The following FNTA variants were observed in gnomAD, a reference collection of about 807,000 sequenced individuals.
The protein encoded by FNTA is farnesyltransferase, CAAX box, subunit alpha.
A neutral mutation model predicts 55.2 loss-of-function variants in FNTA; 27 were observed. The ratio of observed to expected loss-of-function variants is 0.49; its 90% CI spans 0.36 to 0.67. The LOEUF (loss-of-function observed/expected upper bound fraction) is 0.67. FNTA is among the 30% of genes least tolerant of loss of function. The probability of loss-of-function intolerance (pLI) is 0.00; values close to 1 mark genes in which losing one functional copy is unlikely to be tolerated. For missense variants in FNTA, 422 were observed against 464.7 expected (o/e 0.91, Z 0.85); for synonymous variants, 176 against 170.7 (o/e 1.03, Z -0.24).
intron 5 of FNTA, among the ~76,000 whole-genome samples, chr8:43,073,943 A>T (rs1423329394): frequency 1.3e-5 from 2 of 152,250 alleles, no homozygotes; most frequent in Non-Finnish European, 2.9e-5. Flanking sequence ...TGAGGATTTA[A>T]TGAATTCAGC....
intron 4 of FNTA, among the ~76,000 whole-genome samples, chr8:43,070,805 T>C (rs972382731): frequency 1.3e-5 from 2 of 152,248 alleles, no homozygotes; most frequent in African/African-American, 4.8e-5. Context: ...TGAAAACTTA[T>C]GCTATAACAT....
At chr8:43,068,508 A>T (rs143049775) in intron 3 of FNTA, among the ~76,000 whole-genome samples, 1 of 152,330 alleles carries the variant, frequency 6.6e-6, no homozygotes, top group African/African-American at 2.4e-5. Context: ...GTATTTTGTT[A>T]ATGTTTATAA....
At chr8:43,069,713 CG>C (rs2130555429) in intron 4 of FNTA, 54 bp downstream of exon 4, 1 of 1,039,382 alleles carries the variant, frequency 9.6e-7, no homozygotes, top group African/African-American at 1.6e-5. Context: ...GGCATGACCT[CG>C]GCTCACTGCA....
Position 43,059,114 on chromosome 8 carries a change from A to G in FNTA, c.223A>G (p.Ile75Val). The G allele has an allele frequency of 6.2e-7, 1 of 1,613,782 alleles. No homozygotes were observed. Among genetic ancestry groups the G allele is most frequent in the Non-Finnish European group, 8.5e-7 (1 of 1,179,944 alleles). ...LYRDRAEWAD[I>V]DPVPQNDGPN... Reference sequence around the variant, plus strand: ...CAGGGACAGAGCAGAATGGGCTGATATAGATCCGGTGCCGCAGAATGATGG... The same window carrying G: ...CAGGGACAGAGCAGAATGGGCTGATGTAGATCCGGTGCCGCAGAATGATGG... Residue 75 changes from isoleucine (I) to valine (V), a missense_variant, in exon 2 of 9, where the codon ATA (isoleucine) becomes GTA (valine). Ile to Val is a conservative substitution (Grantham distance 29). Around this residue, in one of 2 missense-constraint regions of FNTA, gnomAD observed 160 missense variants for 121.6 expected, o/e 1.32. Transcript: ENST00000302279.
chr8:43,082,421 G>A (rs895418282), intron 6 of FNTA: 1 of 152,098 alleles, frequency 6.6e-6, no homozygotes, highest in African/African-American at 2.4e-5. Flanking sequence ...TCCTATTTCA[G>A]TGACTAGGGA....
chr8:43,069,861 C>T lies in FNTA; in HGVS notation c.506+202C>T, dbSNP rs565962358. On this transcript the variant is annotated intron_variant, in intron 4 of 8. Transcript: ENST00000302279. Reference sequence around the variant, plus strand: ...GTTTTGCCATGTTGGCCAGGCTGGTCTCGAACTTCTGACCTCAGGTGATCC... The same window carrying T: ...GTTTTGCCATGTTGGCCAGGCTGGTTTCGAACTTCTGACCTCAGGTGATCC... 9.3e-5 allele frequency among the ~76,000 whole-genome samples: 14 copies of T among 150,830 alleles called. No homozygotes were observed. In the South Asian group the frequency reaches 3.1e-3, roughly 33 times the overall value.
rs1277466482 is a variant in FNTA at position 43,075,637 on chromosome 8, A to G, written c.634-1579A>G. On this transcript the variant is annotated intron_variant, in intron 5 of 8. Coordinates refer to ENST00000302279, the MANE Select transcript of FNTA (RefSeq NM_002027.3). Reference sequence around the variant, plus strand: ...TCAAGACCAGCCTGGCCAACATGGTAAAACCTGGTCTCTACGAAAACTACA... The same window carrying G: ...TCAAGACCAGCCTGGCCAACATGGTGAAACCTGGTCTCTACGAAAACTACA... Among the ~76,000 whole-genome samples, 3 of 151,946 alleles carry G rather than the reference A, an allele frequency of 2.0e-5. No homozygotes were observed. In the East Asian group the frequency reaches 5.8e-4, roughly 29 times the overall value.
intron 5 of FNTA, among the ~76,000 whole-genome samples, chr8:43,074,352 G>A (rs546970245): frequency 7.2e-5 from 11 of 152,112 alleles, no homozygotes; most frequent in African/African-American, 2.4e-4. Context: ...GCAAAACCCC[G>A]TCTCTACAAA....
chr8:43,059,741 G>A (rs890606518), intron 2 of FNTA, among the ~76,000 whole-genome samples: 2 of 152,072 alleles, frequency 1.3e-5, no homozygotes, highest in Non-Finnish European at 2.9e-5. Flanking sequence ...TGATAGTTTT[G>A]TAATTTTATG....
intron 3 of FNTA, among the ~76,000 whole-genome samples, chr8:43,066,682 G>T (rs914839936): frequency 1.2e-4 from 18 of 151,148 alleles, no homozygotes; most frequent in Non-Finnish European, 2.4e-4. Context: ...TTCTCAAATG[G>T]TTGGTAATTC....
chr8:43,060,780 A>T (rs1810513575), intron 2 of FNTA, among the ~76,000 whole-genome samples: 1 of 152,188 alleles, frequency 6.6e-6, no homozygotes, highest in Non-Finnish European at 1.5e-5. Context: ...ATAGACAAAT[A>T]TATCAATTTA....
chr8:43,058,973 A>G (rs1380713630), intron 1 of FNTA, 119 bp from the exon 2 acceptor site: 1 of 686,818 alleles, frequency 1.5e-6, no homozygotes, highest in Non-Finnish European at 2.4e-6. Context: ...TGATTACATT[A>G]TGAGCCCTGT....
intron 3 of FNTA, 25 bp from the exon 4 acceptor site, chr8:43,069,530 T>C (rs1810737622): frequency 7.0e-7 from 1 of 1,431,766 alleles, no homozygotes; most frequent in African/African-American, 1.4e-5. Flanking sequence ...ATAATGCGAC[T>C]TTGGATGTTG....
At chr8:43,077,927 C>T (rs973062832) in intron 6 of FNTA, 2 of 152,096 alleles carry the variant, frequency 1.3e-5, no homozygotes, top group East Asian at 1.9e-4. Flanking sequence ...TTAGTAGCCA[C>T]GATTTTTGTG....
chr8:43,061,805 C>T (rs370882749), intron 2 of FNTA, among the ~76,000 whole-genome samples: 123 of 151,818 alleles, frequency 8.1e-4, no homozygotes, highest in Non-Finnish European at 1.4e-3. Context: ...CCGCGACCTC[C>T]GCCTCCCGGG....
chr8:43,058,637 G>A (rs1292366074), intron 1 of FNTA, among the ~76,000 whole-genome samples: 1 of 152,000 alleles, frequency 6.6e-6, no homozygotes, highest in Non-Finnish European at 1.5e-5. Flanking sequence ...GGGCTTGGTG[G>A]CGCCCGCCTG....
intron 2 of FNTA, chr8:43,063,224 G>A: frequency 2.2e-6 from 1 of 454,844 alleles, no homozygotes; most frequent in Non-Finnish European, 4.4e-6. Flanking sequence ...GTGACTGCAG[G>A]CCTGGATCAC....
chr8:43,080,703 A>G (rs1811005265), intron 6 of FNTA: 2 of 152,188 alleles, frequency 1.3e-5, no homozygotes, highest in South Asian at 2.1e-4. Context: ...CACATGTCCT[A>G]TTTTGGGCGT....
At chr8:43,067,709 T>C (rs979885420) in intron 3 of FNTA, among the ~76,000 whole-genome samples, 1 of 151,980 alleles carries the variant, frequency 6.6e-6, no homozygotes, top group Non-Finnish European at 1.5e-5. Flanking sequence ...TTTAGCATTT[T>C]ATTTTATTTT....
Sources: allele counts gnomAD v4.1 joint callset (sites outside exome capture counted in the v4.1 genomes callset), GRCh38; gene constraint gnomAD v4.1.1; regional missense constraint gnomAD v4.1.1; transcripts MANE v1.5; gene names NCBI Gene and HGNC (gene_info 2026-07-23, HGNC 2026-07-21).